GLIS3: variants seen among roughly 807,000 people sequenced by gnomAD.
The protein encoded by GLIS3 is GLIS family zinc finger 3, also known as zinc finger protein GLIS3.
A neutral mutation model predicts 78.6 loss-of-function variants in GLIS3; 53 were observed. That is an observed-to-expected ratio of 0.67 (90% CI 0.54 to 0.85). The LOEUF is 0.85. Ranked by LOEUF, GLIS3 falls within the 40% of genes least tolerant of loss-of-function variation. GLIS3 has a pLI of 0.00. For synonymous variants in GLIS3, 684 were observed against 509.9 expected (o/e 1.34, Z -4.60); for missense variants, 1,703 against 1,231.1 (o/e 1.38, Z -5.74).
At chr9:3,975,155 C>G (rs1261947606) in intron 4 of GLIS3, 3 of 152,066 alleles carry the variant, frequency 2.0e-5, no homozygotes, top group Non-Finnish European at 2.9e-5. Context: ...GTAACACAAA[C>G]CTTGGTGAGT....
intron 2 of GLIS3, among the ~76,000 whole-genome samples, chr9:4,206,672 G>C (rs1430665722): frequency 6.6e-6 from 1 of 152,188 alleles, no homozygotes; most frequent in Admixed American, 6.5e-5. Context: ...GTCTAATAAG[G>C]GGTGTGAACC....
intron 2 of GLIS3, among the ~76,000 whole-genome samples, chr9:4,325,733 A>G (rs1817588579): frequency 6.6e-6 from 1 of 152,138 alleles, no homozygotes; most frequent in Non-Finnish European, 1.5e-5. Flanking sequence ...TTTTTCATCT[A>G]TCAAAGTAAT....
intron 2 of GLIS3, among the ~76,000 whole-genome samples, chr9:4,342,142 C>T (rs1248849059): frequency 6.6e-6 from 1 of 152,094 alleles, no homozygotes; most frequent in Non-Finnish European, 1.5e-5. Flanking sequence ...GCTTTTGGCA[C>T]TTTTGTCATG....
intron 4 of GLIS3, among the ~76,000 whole-genome samples, chr9:4,041,996 A>G (rs7029593): frequency 0.046 from 7,054 of 152,274 alleles, 531 homozygotes; most frequent in African/African-American, 0.16. Flanking sequence ...CCACCTGTAT[A>G]TACGCAGTGA....
intron 2 of GLIS3, among the ~76,000 whole-genome samples, chr9:4,159,925 A>G (rs1224495658): frequency 1.3e-5 from 2 of 152,184 alleles, no homozygotes; most frequent in Non-Finnish European, 2.9e-5. Flanking sequence ...TTGTTTATTT[A>G]TACAGTATTT....
the GLIS3 span, among the ~76,000 whole-genome samples, chr9:4,472,197 G>A: frequency 6.6e-6 from 1 of 152,210 alleles, no homozygotes; most frequent in African/African-American, 2.4e-5. Context: ...AAGACAGTGT[G>A]GCGATTCCTC....
At chr9:3,929,667 C>T (rs546102119) in intron 6 of GLIS3, among the ~76,000 whole-genome samples, 10 of 152,264 alleles carry the variant, frequency 6.6e-5, no homozygotes, top group Admixed American at 2.6e-4. Flanking sequence ...CCATGACTAA[C>T]AGGGTGTGAC....
At chr9:4,457,587 T>A in the GLIS3 span, among the ~76,000 whole-genome samples, 24 of 151,870 alleles carry the variant, frequency 1.6e-4, no homozygotes, top group African/African-American at 5.3e-4. Flanking sequence ...GTGGCTCACA[T>A]CTGTAATCTC....
chr9:3,967,470 T>G lies in GLIS3; in HGVS notation c.1711-30281A>C, dbSNP rs577267001. Among the ~76,000 whole-genome samples, 8 of 151,688 alleles carry G rather than the reference T, an allele frequency of 5.3e-5. No homozygotes were observed. In the South Asian group the frequency reaches 1.7e-3, roughly 32 times the overall value. On this transcript the variant is annotated intron_variant, in intron 4 of 10. Coordinates refer to ENST00000381971, the MANE Select transcript of GLIS3 (RefSeq NM_001042413.2). ...GTGAGCCAAGATCGGGCCATTGCAC[T>G]CCAGCCTGGGCAATAGAGCGAGACT... is the stretch of plus-strand genomic sequence containing the variant.
chr9:4,203,432 A>T (rs542187009), intron 2 of GLIS3, among the ~76,000 whole-genome samples: 127 of 152,246 alleles, frequency 8.3e-4, no homozygotes, highest in Admixed American at 2.2e-3. Context: ...TTTCTCAAGG[A>T]ACTTAGAACA....
chr9:3,967,822 G>A (rs373436259), intron 4 of GLIS3, among the ~76,000 whole-genome samples: 6 of 152,152 alleles, frequency 3.9e-5, no homozygotes, highest in Admixed American at 1.3e-4. Context: ...TTCCACAACC[G>A]TAAAGAATGT....
chr9:4,125,280 T>A (rs1334597964), intron 3 of GLIS3, among the ~76,000 whole-genome samples: 2 of 152,184 alleles, frequency 1.3e-5, no homozygotes, highest in African/African-American at 2.4e-5. Context: ...AATATTTAAG[T>A]AGATGGGTAG....
At chr9:4,448,136 T>G in the GLIS3 span, among the ~76,000 whole-genome samples, 2 of 152,198 alleles carry the variant, frequency 1.3e-5, no homozygotes, top group Non-Finnish European at 2.9e-5. Flanking sequence ...CTCATGTGAT[T>G]CCTCATTTCC....
chr9:4,045,935 CACCTTGGGAGATCGGGGGGGAAA>C (rs1016517866), intron 4 of GLIS3, among the ~76,000 whole-genome samples: 20 of 152,258 alleles, frequency 1.3e-4, no homozygotes, highest in African/African-American at 4.1e-4. Context: ...AGAGGTCGGT[CACCTTGGGAGATCGGGGGGGAAA>C]TCATAAATGG....
At chr9:4,204,123 C>T (rs1011910332) in intron 2 of GLIS3, among the ~76,000 whole-genome samples, 3 of 152,064 alleles carry the variant, frequency 2.0e-5, no homozygotes, top group African/African-American at 7.3e-5. Flanking sequence ...AAAGAGATTA[C>T]TAAAATGTCA....
rs1006527664 is a variant in GLIS3, at chr9:4,015,928, C to G, written c.1711-78739G>C. ...AAAAAAAAAAGATTTTCCTCCACAA[C>G]AACCGTCATAACCAACCTGGCCGTC... On this transcript the variant is annotated intron_variant, in intron 4 of 10. Transcript: ENST00000381971. 1.4e-3 allele frequency among the ~76,000 whole-genome samples: 208 copies of G among 143,620 alleles called. 1 individual carries two copies. Among genetic ancestry groups the G allele is most frequent in the African/African-American group, 5.2e-3 (203 of 38,746 alleles). 94.2% of individuals were successfully genotyped at this position (143,620 alleles called of 152,430 possible). A position where few individuals can be genotyped will look rare whatever the true frequency, so the allele number is the denominator to read the frequency against.
In GLIS3 at chr9:3,824,444, G is replaced by A. The variant is rs1817618742; in HGVS notation, c.*3828C>T. 6.6e-6 allele frequency: 1 copy of A among 152,400 alleles called. No individual in the cohort carries two copies. Among genetic ancestry groups the A allele is most frequent in the Admixed American group, 6.5e-5 (1 of 15,284 alleles). 9.4% of individuals were successfully genotyped at this position (152,400 alleles called of 1,614,324 possible). A position where few individuals can be genotyped will look rare whatever the true frequency, so the allele number is the denominator to read the frequency against. On this transcript the variant is annotated 3_prime_UTR_variant, in exon 11 of 11. Transcript: ENST00000381971. ...TTGCCATTGTGTTTTAAACCGACAG[G>A]CTGAAGGAGGATTTTAGGCAGGAGG...
At chr9:4,017,917 C>T (rs995340353) in intron 4 of GLIS3, among the ~76,000 whole-genome samples, 49 of 152,122 alleles carry the variant, frequency 3.2e-4, no homozygotes, top group South Asian at 1.4e-3. Context: ...GAATTGACCA[C>T]GCTGATTGAA....
intron 2 of GLIS3, among the ~76,000 whole-genome samples, chr9:4,159,202 G>A (rs529304209): frequency 2.6e-5 from 4 of 152,180 alleles, no homozygotes; most frequent in Non-Finnish European, 5.9e-5. Context: ...TCCCATATAT[G>A]ATTCTCATGG....
Sources: allele counts gnomAD v4.1 joint callset (sites outside exome capture counted in the v4.1 genomes callset), GRCh38; gene constraint gnomAD v4.1.1; transcripts MANE v1.5; gene names NCBI Gene and HGNC (gene_info 2026-07-23, HGNC 2026-07-21).